FAM110B: variants seen among roughly 807,000 people sequenced by gnomAD.
The protein encoded by FAM110B is family with sequence similarity 110 member B.
Under a neutral mutation model 20.4 loss-of-function variants are expected in FAM110B, and 6 were observed. The observed-to-expected ratio is 0.29, with a 90% CI of 0.16 to 0.58. The LOEUF (loss-of-function observed/expected upper bound fraction) is 0.58, where lower values mean the gene tolerates loss of function less well. FAM110B is among the 20% of genes least tolerant of loss of function. The pLI, the probability that FAM110B is intolerant of heterozygous loss-of-function variation, is 0.90. For missense variants in FAM110B, 434 were observed against 498.2 expected, an observed-to-expected ratio of 0.87 and a Z score of 1.23; for synonymous variants, 226 against 214.1, an observed-to-expected ratio of 1.06 and a Z score of -0.49.
At chr8:58,091,719 G>C (rs1218856984) in intron 3 of FAM110B, 3 of 152,072 alleles carry the variant, frequency 2.0e-5, no homozygotes, top group African/African-American at 7.2e-5. Flanking sequence ...CGATCCTACT[G>C]AAACTCATTT....
chr8:58,030,869 G>C (rs972640098), intron 1 of FAM110B, among the ~76,000 whole-genome samples: 1 of 152,132 alleles, frequency 6.6e-6, no homozygotes, highest in Admixed American at 6.5e-5. Flanking sequence ...ACTCGTCCCA[G>C]TATCTCCAAG....
At chr8:58,143,074 C>T (rs1803777185) in intron 3 of FAM110B, among the ~76,000 whole-genome samples, 1 of 152,238 alleles carries the variant, frequency 6.6e-6, no homozygotes. Flanking sequence ...TTCTCCAGCA[C>T]TGTATAGCTC....
At chr8:58,142,555 C>G (rs1000986267) in intron 3 of FAM110B, among the ~76,000 whole-genome samples, 42 of 150,300 alleles carry the variant, frequency 2.8e-4, no homozygotes, top group Admixed American at 2.4e-3. Flanking sequence ...CCCACCCCGA[C>G]CCCTGCCACC....
chr8:57,997,977 T>G (rs1400569271), intron 1 of FAM110B, among the ~76,000 whole-genome samples: 1 of 152,206 alleles, frequency 6.6e-6, no homozygotes, highest in Non-Finnish European at 1.5e-5. Context: ...ACCCCATGAA[T>G]CTTTCTGTCA....
chr8:58,127,638 A>G (rs545482704), intron 3 of FAM110B, among the ~76,000 whole-genome samples: 1 of 152,364 alleles, frequency 6.6e-6, no homozygotes, highest in South Asian at 2.1e-4. Context: ...AACAGACAAA[A>G]GTCAATTGTA....
In FAM110B at chr8:57,998,988, C is replaced by T. The variant is rs536446809; in HGVS notation, c.-512+4182C>T. 5.9e-5 allele frequency among the ~76,000 whole-genome samples: 9 copies of T among 152,190 alleles called. 1 individual carries two copies. The East Asian group carries it at 1.3e-3, about 23-fold the overall frequency. ...TTTACGTTTTTCACATTTTACAGTT[C>T]GTCTCATAAGGAAACTCCCATAAGA... On this transcript the variant is annotated intron_variant, in intron 1 of 3. Coordinates refer to ENST00000519262, the MANE Select transcript of FAM110B (RefSeq NM_001377989.1).
chr8:58,099,474 A>G (rs1198463491), intron 3 of FAM110B, among the ~76,000 whole-genome samples: 3 of 152,238 alleles, frequency 2.0e-5, no homozygotes, highest in African/African-American at 7.2e-5. Context: ...TTAAAAATTA[A>G]ACACGTTTAA....
intron 3 of FAM110B, among the ~76,000 whole-genome samples, chr8:58,129,160 G>A (rs1244321191): frequency 6.6e-6 from 1 of 152,154 alleles, no homozygotes; most frequent in Non-Finnish European, 1.5e-5. Context: ...TCACAAAAGA[G>A]TTCGATCCCC....
intron 2 of FAM110B, among the ~76,000 whole-genome samples, chr8:58,055,620 A>G (rs1464829114): frequency 6.6e-6 from 1 of 152,214 alleles, no homozygotes; most frequent in African/African-American, 2.4e-5. Context: ...TGAGTGAATC[A>G]GTTGAGCTCT....
At chr8:58,057,122 A>G (rs1345717037) in intron 2 of FAM110B, among the ~76,000 whole-genome samples, 1 of 152,200 alleles carries the variant, frequency 6.6e-6, no homozygotes, top group Admixed American at 6.5e-5. Flanking sequence ...GTCCACTGCC[A>G]CAACAGCACA....
chr8:58,061,011 C>T (rs905032797), intron 2 of FAM110B, among the ~76,000 whole-genome samples: 59 of 152,172 alleles, frequency 3.9e-4, no homozygotes, highest in African/African-American at 1.4e-3. Flanking sequence ...ATAAAATTAA[C>T]TGAGAGCACC....
At chr8:58,105,019 A>G (rs1406936522) in intron 3 of FAM110B, among the ~76,000 whole-genome samples, 1 of 151,602 alleles carries the variant, frequency 6.6e-6, no homozygotes, top group Admixed American at 6.6e-5. Flanking sequence ...TTTTTAACAA[A>G]ATGAGATATT....
At chr8:58,123,967 G>A (rs55896962) in intron 3 of FAM110B, among the ~76,000 whole-genome samples, 34 of 152,292 alleles carry the variant, frequency 2.2e-4, no homozygotes, top group African/African-American at 8.2e-4. Context: ...CAAATGCAAA[G>A]GATAAGATAT....
chr8:58,062,588 G>A (rs1236329720), intron 2 of FAM110B, among the ~76,000 whole-genome samples: 2 of 152,146 alleles, frequency 1.3e-5, no homozygotes, highest in African/African-American at 4.8e-5. Flanking sequence ...ATTTTGTACT[G>A]TGGAAGTAAA....
rs548724005 is a variant in FAM110B at position 58,146,176 on chromosome 8, T to C, written c.-55T>C. 25 of 1,535,654 alleles carry C rather than the reference T, an allele frequency of 1.6e-5. No homozygotes were observed. The South Asian group carries it at 2.7e-4, about 16-fold the overall frequency. ...CATGTACATGTGTCTATTCAGGCCT[T>C]GCGGAGGCGCCCAGAAGAGCATCCA... On this transcript the variant is annotated 5_prime_UTR_variant, in exon 4 of 4. Coordinates refer to ENST00000519262, the MANE Select transcript of FAM110B (RefSeq NM_001377989.1).
At chr8:58,137,557 C>T (rs1363421047) in intron 3 of FAM110B, among the ~76,000 whole-genome samples, 2 of 151,450 alleles carry the variant, frequency 1.3e-5, no homozygotes, top group African/African-American at 4.9e-5. Context: ...GAGCCTCCGT[C>T]TTAAAAAAAA....
At position 58,075,079 on chromosome 8, in the gene FAM110B, C is replaced by CTT. The variant is rs566485535; in HGVS notation, c.-413-447_-413-446dup. Among the ~76,000 whole-genome samples the CTT allele has an allele frequency of 1.3e-3, 197 of 147,654 alleles. 2 individuals are homozygous for CTT. The highest frequency in any genetic ancestry group is 4.7e-3 in the African/African-American group (188 of 40,140). On this transcript the variant is annotated intron_variant, in intron 2 of 3. Transcript: ENST00000519262. ...TTTGGTGTACTGACATGTTTGCTGTCTTTTTTTTTTAATATATTGATCAGT... is the reference window on the plus strand; with the variant it reads ...TTTGGTGTACTGACATGTTTGCTGTCTTTTTTTTTTTTAATATATTGATCAGT...
At position 58,147,160 on chromosome 8, in the gene FAM110B, C is replaced by T. The variant is rs775422320; in HGVS notation, c.930C>T (p.Ser310=). The change falls in exon 4 of 4, where the codon AGC becomes AGT. Residue 310 remains serine, a synonymous_variant. Coordinates refer to ENST00000519262, the MANE Select transcript of FAM110B (RefSeq NM_001377989.1). ...NSDIISLNFR[S]ASMISSDCEQ... ...ACATAATATCCCTCAACTTCCGCAG[C>T]GCAAGCATGATCAGCTCAGACTGTG... 11 of 1,614,024 alleles carry T rather than the reference C, an allele frequency of 6.8e-6. No homozygotes were observed. Among genetic ancestry groups the T allele is most frequent in the Admixed American group, 6.7e-5 (4 of 60,002 alleles).
chr8:58,085,277 C>T (rs1477980876), intron 3 of FAM110B, among the ~76,000 whole-genome samples: 3 of 152,126 alleles, frequency 2.0e-5, no homozygotes, highest in African/African-American at 7.2e-5. Context: ...CTTCAGGAGT[C>T]CGGGGCAGGC....
Sources: gnomAD v4.1 joint callset for allele counts (sites outside exome capture counted in the v4.1 genomes callset) on GRCh38, gnomAD v4.1.1 for gene constraint, MANE v1.5 for transcripts, NCBI Gene and HGNC (gene_info 2026-07-23, HGNC 2026-07-21) for gene names.